NEGR1: variants seen among roughly 807,000 people sequenced by gnomAD.
NEGR1 encodes the protein neuronal growth regulator 1.
In NEGR1, 10 loss-of-function variants were observed where a neutral mutation model predicts 40.9. The observed-to-expected ratio is 0.24, with a 90% confidence interval of 0.15 to 0.42. The LOEUF is 0.42. Ranked by LOEUF, NEGR1 falls within the 10% of genes least tolerant of loss-of-function variation. NEGR1 has a pLI of 1.00. For synonymous variants in NEGR1, 185 were observed against 166.8 expected, an observed-to-expected ratio of 1.11 and a Z score of -0.84; for missense variants, 352 against 438.9, an observed-to-expected ratio of 0.80 and a Z score of 1.77.
intron 1 of NEGR1, among the ~76,000 whole-genome samples, chr1:71,972,712 G>A (rs1180558615): frequency 1.3e-5 from 2 of 152,066 alleles, no homozygotes; most frequent in African/African-American, 2.4e-5. Flanking sequence ...TTATGCTTGG[G>A]ATGCTATGAA....
chr1:71,529,361 A>G (rs1310885454), intron 6 of NEGR1, among the ~76,000 whole-genome samples: 1 of 151,230 alleles, frequency 6.6e-6, no homozygotes, highest in African/African-American at 2.4e-5. Flanking sequence ...TAAAACCAGC[A>G]TTAGGGCATT....
At chr1:71,816,959 A>T (rs1412384949) in intron 2 of NEGR1, among the ~76,000 whole-genome samples, 2 of 151,918 alleles carry the variant, frequency 1.3e-5, no homozygotes, top group African/African-American at 4.8e-5. Flanking sequence ...AGAAAAAAAA[A>T]AATGACAAAA....
chr1:71,468,176 T>A (rs925915561), intron 6 of NEGR1: 1 of 151,972 alleles, frequency 6.6e-6, no homozygotes, highest in African/African-American at 2.4e-5. Flanking sequence ...TATATTTAGA[T>A]GATTATTTTG....
intron 1 of NEGR1, among the ~76,000 whole-genome samples, chr1:72,273,248 T>G (rs1160364463): frequency 6.6e-6 from 1 of 152,020 alleles, no homozygotes; most frequent in Non-Finnish European, 1.5e-5. Flanking sequence ...TACAATTGAG[T>G]TATTCATCCA....
chr1:71,438,565 T>C (rs1646525673), intron 6 of NEGR1, among the ~76,000 whole-genome samples: 2 of 152,136 alleles, frequency 1.3e-5, no homozygotes, highest in African/African-American at 4.8e-5. Flanking sequence ...TGTTTGTTTG[T>C]TTGAAGGGCA....
chr1:71,671,147 C>T (rs183993273), intron 4 of NEGR1, among the ~76,000 whole-genome samples: 296 of 152,178 alleles, frequency 1.9e-3, no homozygotes, highest in Non-Finnish European at 3.5e-3. Flanking sequence ...TGTTAGTCTA[C>T]TTGAGGTTGA....
chr1:72,183,308 G>C (rs1296248574), intron 1 of NEGR1, among the ~76,000 whole-genome samples: 1 of 152,060 alleles, frequency 6.6e-6, no homozygotes, highest in Non-Finnish European at 1.5e-5. Flanking sequence ...AGGGGTACTA[G>C]AACTGAGACA....
chr1:71,621,625 T>G (rs1049985403), intron 4 of NEGR1, among the ~76,000 whole-genome samples: 1 of 151,740 alleles, frequency 6.6e-6, no homozygotes, highest in Non-Finnish European at 1.5e-5. Context: ...GTAAAAAAAT[T>G]TTCGGAGCGC....
At chr1:71,983,039 G>A (rs1394183141) in intron 1 of NEGR1, among the ~76,000 whole-genome samples, 2 of 151,688 alleles carry the variant, frequency 1.3e-5, no homozygotes, top group Non-Finnish European at 2.9e-5. Flanking sequence ...CATGCTACCT[G>A]GATTTAATAC....
chr1:72,090,495 C>G (rs569438038), intron 1 of NEGR1, among the ~76,000 whole-genome samples: 15 of 152,038 alleles, frequency 9.9e-5, no homozygotes, highest in Non-Finnish European at 2.1e-4. Context: ...TTACCTCTAA[C>G]CCACATATTG....
At chr1:71,744,300 T>TATATATATAA (rs1353789908) in intron 3 of NEGR1, among the ~76,000 whole-genome samples, 1 of 147,840 alleles carries the variant, frequency 6.8e-6, no homozygotes, top group Non-Finnish European at 1.5e-5. Flanking sequence ...TATATATATA[T>TATATATATAA]ATAAAGTGCT....
intron 2 of NEGR1, among the ~76,000 whole-genome samples, chr1:71,866,034 T>A (rs947916746): frequency 3.3e-5 from 5 of 152,114 alleles, no homozygotes; most frequent in Non-Finnish European, 7.4e-5. Flanking sequence ...TACTATAATT[T>A]TCCCAATTCT....
intron 1 of NEGR1, among the ~76,000 whole-genome samples, chr1:72,019,402 A>G (rs1457354510): frequency 6.6e-6 from 1 of 152,220 alleles, no homozygotes; most frequent in Non-Finnish European, 1.5e-5. Flanking sequence ...ACACTAGAAA[A>G]TAGTGACAGA....
At chr1:71,411,056 T>C (rs1237351758) in intron 6 of NEGR1, among the ~76,000 whole-genome samples, 1 of 152,160 alleles carries the variant, frequency 6.6e-6, no homozygotes, top group Non-Finnish European at 1.5e-5. Context: ...CCAAGATATA[T>C]TATAAATATC....
intron 1 of NEGR1, among the ~76,000 whole-genome samples, chr1:72,243,273 T>C (rs61595959): frequency 0.01 from 1,538 of 151,916 alleles, 24 homozygotes; most frequent in African/African-American, 0.035. Context: ...AAAGGGCTAC[T>C]TCAGTTCCTT....
intron 1 of NEGR1, among the ~76,000 whole-genome samples, chr1:72,003,266 G>T (rs1246180136): frequency 6.6e-6 from 1 of 151,540 alleles, no homozygotes; most frequent in African/African-American, 2.4e-5. Context: ...GTTCTGCTCT[G>T]GTGGTACAAT....
intron 4 of NEGR1, among the ~76,000 whole-genome samples, chr1:71,648,134 T>C (rs754470108): frequency 5.3e-5 from 8 of 151,978 alleles, no homozygotes; most frequent in Non-Finnish European, 1.2e-4. Flanking sequence ...CTTAAAAGAA[T>C]GCTTTGGGGT....
chr1:72,108,398 C>T (rs553975175), intron 1 of NEGR1, among the ~76,000 whole-genome samples: 26 of 151,656 alleles, frequency 1.7e-4, no homozygotes, highest in African/African-American at 6.0e-4. Context: ...CTTTCAGAAT[C>T]ATACCATTAC....
At chr1:71,832,878 T>TTG (rs1311758181) in intron 2 of NEGR1, among the ~76,000 whole-genome samples, 1 of 152,050 alleles carries the variant, frequency 6.6e-6, no homozygotes, top group Non-Finnish European at 1.5e-5. Flanking sequence ...ATGGTTAGCT[T>TTG]TGACTGTGTA....
Sources: allele counts gnomAD v4.1 joint callset (sites outside exome capture counted in the v4.1 genomes callset), GRCh38; gene constraint gnomAD v4.1.1; transcripts MANE v1.5; gene names NCBI Gene and HGNC (gene_info 2026-07-23, HGNC 2026-07-21).